The following THBS2 variants were observed in gnomAD, a reference collection of about 807,000 sequenced individuals.
The protein encoded by THBS2 is thrombospondin-2.
Under a neutral mutation model 135.2 loss-of-function variants are expected in THBS2, and 47 were observed. The observed-to-expected ratio is 0.35, with a 90% CI of 0.28 to 0.44. THBS2 has a LOEUF of 0.44. Ranked by LOEUF, THBS2 falls within the 20% of genes least tolerant of loss-of-function variation. The probability of loss-of-function intolerance (pLI) is 1.00; values close to 1 mark genes in which losing one functional copy is unlikely to be tolerated. For synonymous variants in THBS2, 639 were observed against 633.8 expected, an observed-to-expected ratio of 1.01 and a Z score of -0.12; for missense variants, 1,288 against 1,603.1, an observed-to-expected ratio of 0.80 and a Z score of 3.36.
chr6:169,236,057 TC>T (rs1397985724), intron 9 of THBS2, among the ~76,000 whole-genome samples: 3 of 62,916 alleles, frequency 4.8e-5, no homozygotes, highest in East Asian at 4.5e-4. Context: ...CCACACTCAC[TC>T]CCCATCCACA....
chr6:169,219,838 T>TTTGCTTCC (rs1554244285), intron 21 of THBS2: 4 of 536,126 alleles, frequency 7.5e-6, no homozygotes, highest in Admixed American at 1.9e-5. Context: ...TCCTTCCTTC[T>TTTGCTTCC]TTCCTTCCTG....
chr6:169,222,525 T>C, intron 18 of THBS2, 57 bp from the exon 19 acceptor site: 1 of 1,567,966 alleles, frequency 6.4e-7, no homozygotes, highest in Non-Finnish European at 8.7e-7. Flanking sequence ...CCGGGAGTAG[T>C]GACTCATGCC....
In THBS2 at chr6:169,248,449, C is replaced by T; in HGVS notation, c.577G>A (p.Ala193Thr). ...TGACTCTCTCTGGCAGAGCCTTTGGCCACGTACATCCGGCTCTTTTCCGCC... is the reference window on the plus strand; with the variant it reads ...TGACTCTCTCTGGCAGAGCCTTTGGTCACGTACATCCGGCTCTTTTCCGCC... ...LQAEKSRMYVAKGSARESHFR... is the reference protein window; with the variant it reads ...LQAEKSRMYVTKGSARESHFR... The change falls in exon 3 of 22, where the codon GCC (alanine) becomes ACC (threonine). Residue 193 changes from alanine (A) to threonine (T), a missense_variant. Coordinates refer to ENST00000617924, the MANE Select transcript of THBS2 (RefSeq NM_003247.5). 1 of 1,611,180 alleles carries T rather than the reference C, an allele frequency of 6.2e-7. No homozygotes were observed.
chr6:169,243,737 A>G (rs1780455894), intron 4 of THBS2, among the ~76,000 whole-genome samples: 1 of 152,236 alleles, frequency 6.6e-6, no homozygotes, highest in Non-Finnish European at 1.5e-5. Context: ...TAAACAAAAG[A>G]CCGCATATAT....
At chr6:169,239,457 G>A in intron 7 of THBS2, 142 bp downstream of exon 7, 1 of 714,838 alleles carries the variant, frequency 1.4e-6, no homozygotes. Context: ...CCAGTGGCCT[G>A]GGGTGGCCCT....
rs1779220414 is a variant in THBS2, at chr6:169,217,590, AC to A, written c.*231del. ...CACTCCACATAAAGTCTCATATATC[AC>A]CAAACTGGTTTCCTCTAGTGGGTTA... On this transcript the variant is annotated 3_prime_UTR_variant, in exon 22 of 22. Transcript: ENST00000617924. The A allele has an allele frequency of 2.0e-6, 1 of 489,132 alleles. No homozygotes were observed. The highest frequency in any genetic ancestry group is 2.0e-5 in the African/African-American group (1 of 50,752). The allele number at this position is 489,132 out of a possible 1,614,324, so 30.3% of individuals were successfully genotyped here. A position where few individuals can be genotyped will look rare whatever the true frequency, so the allele number is the denominator to read the frequency against.
chr6:169,249,106 C>T, intron 2 of THBS2, 133 bp from the exon 3 acceptor site: 1 of 876,212 alleles, frequency 1.1e-6, no homozygotes, highest in Non-Finnish European at 1.7e-6. Flanking sequence ...AGCTTCTCTC[C>T]CTTTTTTATG....
chr6:169,246,642 C>A (rs921119821), intron 3 of THBS2, among the ~76,000 whole-genome samples: 1 of 152,160 alleles, frequency 6.6e-6, no homozygotes, highest in Non-Finnish European at 1.5e-5. Context: ...TCATGATTAG[C>A]GAGTTTCTGC....
At chr6:169,223,532 T>A (rs1273516474) in intron 17 of THBS2, 57 bp from the exon 18 acceptor site, 1 of 1,520,770 alleles carries the variant, frequency 6.6e-7, no homozygotes, top group Non-Finnish European at 9.0e-7. Context: ...AAGTCGGTGG[T>A]CGGTGGTTTG....
At position 169,248,907 on chromosome 6, in the gene THBS2, A is replaced by G. The variant is rs1315187014; in HGVS notation, c.119T>C (p.Ile40Thr). The G allele has an allele frequency of 1.2e-6, 2 of 1,613,576 alleles. No homozygotes were observed. The highest frequency in any genetic ancestry group is 1.3e-5 in the African/African-American group (1 of 74,886). Residue 40 changes from isoleucine to threonine, a missense_variant, in exon 3 of 22, where the codon ATT becomes ACT. This residue lies in a region of THBS2 where 414 missense variants were observed against 447.0 expected (regional missense o/e 0.93). Transcript: ENST00000617924. ...FSISNINRKT[I>T]GAKQFRGPDP... ...GGGCCCGCGGAACTGCTTGGCGCCA[A>G]TGGTCTTGCGGTTGATGTTGCTGAT...
chr6:169,224,494 T>C (rs998261716), intron 17 of THBS2, among the ~76,000 whole-genome samples: 2 of 151,920 alleles, frequency 1.3e-5, no homozygotes, highest in African/African-American at 4.8e-5. Context: ...CAAGTCCTTA[T>C]CTCCCTCTGT....
At position 169,241,992 on chromosome 6, in the gene THBS2, C is replaced by G. The variant is rs535914441; in HGVS notation, c.695-34G>C. On this transcript the variant is annotated intron_variant, in intron 4 of 21. Transcript: ENST00000617924. This position sits in a 1 kb window ranked among gnomAD's most constrained non-coding sequence, Gnocchi z 5.5. ...AAGCGTAGAAGGGCCGTGAGCATCA[C>G]AGAGGACGGGGCCAGCAGCAGGGGC... 2.1e-5 allele frequency: 33 copies of G among 1,581,194 alleles called. No homozygotes were observed. The South Asian group carries it at 3.6e-4, about 17-fold the overall frequency.
At chr6:169,218,329 A>AGAT (rs1166993391) in intron 21 of THBS2, among the ~76,000 whole-genome samples, 3 of 130,560 alleles carry the variant, frequency 2.3e-5, no homozygotes, top group African/African-American at 9.0e-5. Context: ...GTGGGTTGGT[A>AGAT]GATGAGATGA....
At chr6:169,236,517 A>C (rs1583414086) in intron 9 of THBS2, among the ~76,000 whole-genome samples, 6 of 100,066 alleles carry the variant, frequency 6.0e-5, no homozygotes, top group South Asian at 3.6e-4. Flanking sequence ...ATCTACACTC[A>C]CTCCCCATCC....
rs1461100661 is a variant in THBS2, at chr6:169,216,104, C to T, written c.*1718G>A. The T allele has an allele frequency of 6.6e-6, 1 of 152,092 alleles. No individual in the cohort carries two copies. Among genetic ancestry groups the T allele is most frequent in the African/African-American group, 2.4e-5 (1 of 41,390 alleles). The allele number at this position is 152,092 out of a possible 1,614,324, so 9.4% of individuals were successfully genotyped here. A position where few individuals can be genotyped will look rare whatever the true frequency, so the allele number is the denominator to read the frequency against. On this transcript the variant is annotated 3_prime_UTR_variant, in exon 22 of 22. Coordinates refer to ENST00000617924, the MANE Select transcript of THBS2 (RefSeq NM_003247.5). ...AGTCGCTACATTTAATGAAGTATCC[C>T]AACGCTTCGTTGGTCTCGGGAATAC...
In THBS2 at chr6:169,241,601, G is replaced by A. The variant is rs1169117745; in HGVS notation, c.891+161C>T. ...TCTAACAATGCTGAATATTGAGCAA[G>A]GATCCTGAGGAGCCCGGCAGACACC... On this transcript the variant is annotated intron_variant, in intron 5 of 21. Transcript: ENST00000617924. This position sits in a 1 kb window ranked among gnomAD's most constrained non-coding sequence, Gnocchi z 5.5. Among the ~76,000 whole-genome samples the A allele has an allele frequency of 6.6e-6, 1 of 152,158 alleles. No homozygotes were observed. The highest frequency in any genetic ancestry group is 2.4e-5 in the African/African-American group (1 of 41,436).
At chr6:169,243,885 C>A (rs1780458831) in intron 4 of THBS2, among the ~76,000 whole-genome samples, 1 of 152,192 alleles carries the variant, frequency 6.6e-6, no homozygotes. Flanking sequence ...CACAAGGTTA[C>A]TCTCACTTTT....
In THBS2 at chr6:169,241,221, G is replaced by T. The variant is rs78276297; in HGVS notation, c.891+541C>A. On this transcript the variant is annotated intron_variant, in intron 5 of 21. Transcript: ENST00000617924. This position sits in a 1 kb window ranked among gnomAD's most constrained non-coding sequence, Gnocchi z 5.5. ...GGCCCGGAGCACCTCATTATGTTCA[G>T]TCCCTTTCTCTAAACTGCGAGCTGC... Among the ~76,000 whole-genome samples the T allele has an allele frequency of 6.6e-6, 1 of 152,126 alleles. No individual in the cohort carries two copies. The highest frequency in any genetic ancestry group is 1.5e-5 in the Non-Finnish European group (1 of 68,042).
chr6:169,236,148 C>G (rs1319126313), intron 9 of THBS2, among the ~76,000 whole-genome samples: 1 of 67,626 alleles, frequency 1.5e-5, no homozygotes, highest in Non-Finnish European at 3.5e-5. Context: ...CACACTCACT[C>G]CCCATCCACA....
Sources: gnomAD v4.1 joint callset for allele counts (sites outside exome capture counted in the v4.1 genomes callset) on GRCh38, gnomAD v4.1.1 for gene constraint, gnomAD v4.1.1 regional missense constraint, Gnocchi (gnomAD v3.1) non-coding constraint, MANE v1.5 for transcripts, NCBI Gene and HGNC (gene_info 2026-07-23, HGNC 2026-07-21) for gene names.